The following DOT1L variants were observed in gnomAD, a reference collection of about 807,000 sequenced individuals.
DOT1L encodes DOT1 like histone lysine methyltransferase.
DOT1L carries 33 observed loss-of-function variants against 153.3 expected under a neutral mutation model. The ratio of observed to expected loss-of-function variants is 0.22; its 90% CI spans 0.16 to 0.29. The LOEUF is 0.29. DOT1L is among the 10% of genes least tolerant of loss of function. The probability of loss-of-function intolerance (pLI) is 1.00; values close to 1 mark genes in which losing one functional copy is unlikely to be tolerated. For missense variants in DOT1L, 1,847 were observed against 2,119.9 expected, an observed-to-expected ratio of 0.87 and a Z score of 2.53; for synonymous variants, 1,135 against 965.1, an observed-to-expected ratio of 1.18 and a Z score of -3.26.
rs188060731 is a variant in DOT1L, at chr19:2,179,755, C to T, written c.82-958C>T. On this transcript the variant is annotated intron_variant, in intron 1 of 27. Transcript: ENST00000398665. ...CTGGGAGGTGGAGGTTGCAGTGAGC[C>T]GAGATTGCACCACTTCACTCCAGCC... Among the ~76,000 whole-genome samples the T allele has an allele frequency of 2.6e-4, 40 of 152,058 alleles. 2 individuals carry two copies. In the East Asian group the frequency reaches 5.6e-3, roughly 21 times the overall value.
At chr19:2,187,046 G>C (rs751218224) in intron 3 of DOT1L, among the ~76,000 whole-genome samples, 12 of 152,184 alleles carry the variant, frequency 7.9e-5, no homozygotes, top group Non-Finnish European at 1.5e-4. Flanking sequence ...GAGGCTTCTC[G>C]GAGACTTGCT....
intron 7 of DOT1L, among the ~76,000 whole-genome samples, chr19:2,198,756 G>T (rs2023126708): frequency 6.6e-6 from 1 of 152,192 alleles, no homozygotes; most frequent in Non-Finnish European, 1.5e-5. Context: ...TCCCCTTCCT[G>T]TCTCTGGATG....
At chr19:2,223,818 C>T (rs1015420351) in intron 25 of DOT1L, among the ~76,000 whole-genome samples, 7 of 152,328 alleles carry the variant, frequency 4.6e-5, no homozygotes, top group Middle Eastern at 3.4e-3. Context: ...GAGTGTATTA[C>T]AGTAGCTTTA....
chr19:2,200,043 C>A, intron 8 of DOT1L, 104 bp downstream of exon 8: 2 of 1,448,818 alleles, frequency 1.4e-6, no homozygotes, highest in Non-Finnish European at 1.9e-6. Flanking sequence ...CCTGTGCTGG[C>A]TGTGGCAGGA....
At chr19:2,165,894 C>A (rs1041094626) in intron 1 of DOT1L, among the ~76,000 whole-genome samples, 7 of 149,220 alleles carry the variant, frequency 4.7e-5, no homozygotes, top group African/African-American at 1.7e-4. Context: ...TCAGCCTCCC[C>A]AGTAGCTAGG....
chr19:2,223,801 T>C (rs1249791128), intron 25 of DOT1L, among the ~76,000 whole-genome samples: 2 of 152,180 alleles, frequency 1.3e-5, no homozygotes, highest in Admixed American at 1.3e-4. Flanking sequence ...CATCCACACG[T>C]CTTGCCGAGT....
intron 22 of DOT1L, among the ~76,000 whole-genome samples, chr19:2,218,382 A>ATTTATTT (rs928248348): frequency 2.0e-5 from 3 of 152,150 alleles, no homozygotes; most frequent in Admixed American, 6.6e-5. Context: ...GGTTTTTAGC[A>ATTTATTT]TTTATTTTTT....
intron 22 of DOT1L, among the ~76,000 whole-genome samples, chr19:2,219,893 G>A (rs932531021): frequency 1.3e-5 from 2 of 152,190 alleles, no homozygotes; most frequent in Non-Finnish European, 2.9e-5. Context: ...CAGGCCCGCT[G>A]CCCATTCACA....
intron 25 of DOT1L, among the ~76,000 whole-genome samples, chr19:2,223,961 ACACT>A (rs537321588): frequency 7.9e-5 from 12 of 152,098 alleles, no homozygotes; most frequent in African/African-American, 2.7e-4. Flanking sequence ...TCCCCTTGAA[ACACT>A]CACTCCCCTT....
rs1487212353 is a variant in DOT1L, at chr19:2,208,363, C to G, written c.964-572C>G. ...CTGGTGTGTCTGCACCCTCACTGTC[C>G]AGTGCTCGGAGCCTCCACTAGAGCC... On this transcript the variant is annotated intron_variant, in intron 11 of 27. Transcript: ENST00000398665. The surrounding 1 kb of genome is among the most constrained non-coding windows in gnomAD (Gnocchi z 4.4). Among the ~76,000 whole-genome samples the G allele has an allele frequency of 6.6e-6, 1 of 152,158 alleles. No individual in the cohort carries two copies. The highest frequency in any genetic ancestry group is 2.4e-5 in the African/African-American group (1 of 41,436).
chr19:2,180,361 T>G (rs1002238518), intron 1 of DOT1L, among the ~76,000 whole-genome samples: 2 of 151,898 alleles, frequency 1.3e-5, no homozygotes, highest in African/African-American at 4.8e-5. Flanking sequence ...TCAACTGACC[T>G]CCAGGGAAAA....
At chr19:2,211,430 A>T (rs951693149) in intron 15 of DOT1L, among the ~76,000 whole-genome samples, 4 of 152,156 alleles carry the variant, frequency 2.6e-5, no homozygotes, top group Non-Finnish European at 5.9e-5. Flanking sequence ...ATGCTGGGTG[A>T]CACTTGGGAC....
Position 2,220,227 on chromosome 19 carries a change from C to A in DOT1L, c.2806+5C>A, listed in dbSNP as rs368628707. The A allele has an allele frequency of 6.2e-7, 1 of 1,610,930 alleles. No homozygotes were observed. The highest frequency in any genetic ancestry group is 1.3e-5 in the African/African-American group (1 of 74,846). On this transcript the variant is annotated splice_donor_5th_base_variant and intron_variant, in intron 23 of 27. Transcript: ENST00000398665. This position sits in a 1 kb window ranked among gnomAD's most constrained non-coding sequence, Gnocchi z 4.5. The stretch of plus-strand genomic sequence containing the variant: ...GCCTTGCCCTGGCCCCCGCAGGTAA[C>A]GCCCCTCCTGTGCCCTACCCTCAGG...
intron 27 of DOT1L, chr19:2,227,610 G>A: frequency 9.3e-7 from 1 of 1,077,086 alleles, no homozygotes; most frequent in Non-Finnish European, 1.2e-6. Flanking sequence ...GCCGCTGCTT[G>A]TGCTTGGTGC....
At chr19:2,164,298 G>T in intron 1 of DOT1L, 33 bp downstream of exon 1, 10 of 1,225,404 alleles carry the variant, frequency 8.2e-6, no homozygotes, top group Non-Finnish European at 1.0e-5. Context: ...CCTACCTCCC[G>T]GCCTCCCCTC....
Position 2,208,180 on chromosome 19 carries a change from C to G in DOT1L, c.963+500C>G, listed in dbSNP as rs985938446. Among the ~76,000 whole-genome samples the G allele has an allele frequency of 6.6e-6, 1 of 152,134 alleles. No homozygotes were observed. Among genetic ancestry groups the G allele is most frequent in the Non-Finnish European group, 1.5e-5 (1 of 68,002 alleles). On this transcript the variant is annotated intron_variant, in intron 11 of 27. Transcript: ENST00000398665. This position sits in a 1 kb window ranked among gnomAD's most constrained non-coding sequence, Gnocchi z 4.4. ...CAGTGTGCGGCCTGCCTGCCTCCCACGGTGCTTCCCCCCCGGGCACGAGTA... is the reference window on the plus strand; with the variant it reads ...CAGTGTGCGGCCTGCCTGCCTCCCAGGGTGCTTCCCCCCCGGGCACGAGTA...
At chr19:2,214,420 T>C (rs761454711) in intron 18 of DOT1L, 51 bp from the exon 19 acceptor site, 2 of 1,598,938 alleles carry the variant, frequency 1.3e-6, no homozygotes, top group South Asian at 1.1e-5. Context: ...GTGTGGGGTG[T>C]GCTGGGCAGG....
At chr19:2,176,994 G>GC (rs1304895042) in intron 1 of DOT1L, among the ~76,000 whole-genome samples, 1 of 152,088 alleles carries the variant, frequency 6.6e-6, no homozygotes, top group African/African-American at 2.4e-5. Context: ...CCTTCCTCCC[G>GC]CCCCCAGCCC....
At chr19:2,183,658 A>C (rs1599549714) in intron 2 of DOT1L, among the ~76,000 whole-genome samples, 2 of 145,176 alleles carry the variant, frequency 1.4e-5, no homozygotes, top group African/African-American at 2.6e-5. Context: ...GCGGAGTCTC[A>C]CTCTGTTGCC....
Sources: gnomAD v4.1 joint callset for allele counts (sites outside exome capture counted in the v4.1 genomes callset) on GRCh38, gnomAD v4.1.1 for gene constraint, Gnocchi (gnomAD v3.1) non-coding constraint, MANE v1.5 for transcripts, NCBI Gene and HGNC (gene_info 2026-07-23, HGNC 2026-07-21) for gene names.